Variants in MGAT4C observed in about 807,000 individuals in gnomAD.
MGAT4C encodes alpha-1,3-mannosyl-glycoprotein 4-beta-N-acetylglucosaminyltransferase C.
MGAT4C carries 19 observed loss-of-function variants against 40.1 expected under a neutral mutation model. The observed-to-expected ratio is 0.47, with a 90% confidence interval of 0.33 to 0.70. MGAT4C has a LOEUF of 0.70. Among genes scored for constraint, MGAT4C ranks in the 30% least tolerant of loss-of-function variants. The probability of loss-of-function intolerance (pLI) is 0.02; values close to 1 mark genes in which losing one functional copy is unlikely to be tolerated. For missense variants in MGAT4C, 491 were observed against 563.2 expected, an observed-to-expected ratio of 0.87 and a Z score of 1.30; for synonymous variants, 181 against 187.1, an observed-to-expected ratio of 0.97 and a Z score of 0.27.
intron 2 of MGAT4C, among the ~76,000 whole-genome samples, chr12:86,622,669 G>T (rs971733328): frequency 1.3e-5 from 2 of 151,780 alleles, no homozygotes; most frequent in African/African-American, 4.8e-5. Flanking sequence ...CAATATTCTG[G>T]GACAAAGCTC....
At chr12:86,013,097 T>G (rs1888674275) in intron 2 of MGAT4C, among the ~76,000 whole-genome samples, 1 of 151,570 alleles carries the variant, frequency 6.6e-6, no homozygotes, top group Non-Finnish European at 1.5e-5. Context: ...ATCACACTAC[T>G]GCACAGCCTG....
chr12:86,139,103 T>C (rs1476839220), intron 1 of MGAT4C, among the ~76,000 whole-genome samples: 2 of 152,216 alleles, frequency 1.3e-5, no homozygotes, highest in East Asian at 3.8e-4. Flanking sequence ...TGAATTTTTC[T>C]GATAATTTTC....
intron 2 of MGAT4C, among the ~76,000 whole-genome samples, chr12:86,489,795 A>AT (rs1316753973): frequency 6.6e-6 from 1 of 152,210 alleles, no homozygotes; most frequent in East Asian, 1.9e-4. Flanking sequence ...TCAGGAGCCG[A>AT]TGCGATCAAC....
Position 86,290,326 on chromosome 12 carries a change from C to T in MGAT4C, c.-57+43739G>A, listed in dbSNP as rs535412760. ...TGCTGGGATTACAGGTATGAGCCAC[C>T]GCACCCGGCCTCTAACTCACTTTTT... On this transcript the variant is annotated intron_variant, in intron 4 of 7. Coordinates refer to the MGAT4C transcript ENST00000548651. Among the ~76,000 whole-genome samples, 24 of 152,228 alleles carry T rather than the reference C, an allele frequency of 1.6e-4. 1 individual carries two copies. Among genetic ancestry groups the T allele is most frequent in the South Asian group, 1.5e-3 (7 of 4,816 alleles).
At chr12:86,080,487 G>A (rs556167998) in intron 1 of MGAT4C, among the ~76,000 whole-genome samples, 3 of 152,226 alleles carry the variant, frequency 2.0e-5, no homozygotes, top group African/African-American at 4.8e-5. Flanking sequence ...CTGAAAATAT[G>A]TGAAGTGCTA....
chr12:86,439,005 G>A (rs894981380), intron 2 of MGAT4C, among the ~76,000 whole-genome samples: 4 of 151,664 alleles, frequency 2.6e-5, no homozygotes, highest in South Asian at 4.2e-4. Flanking sequence ...ATGAAAAGAG[G>A]CAAACACCAA....
At chr12:86,164,534 CTAAA>C (rs1408687327) in intron 1 of MGAT4C, among the ~76,000 whole-genome samples, 1 of 152,148 alleles carries the variant, frequency 6.6e-6, no homozygotes, top group Non-Finnish European at 1.5e-5. Flanking sequence ...CAACTAGTCA[CTAAA>C]TAGTCAAACT....
In MGAT4C at chr12:85,995,522, C is replaced by T. The variant is rs548050456; in HGVS notation, c.-6-5970G>A. On this transcript the variant is annotated intron_variant, in intron 2 of 4. Coordinates refer to ENST00000611864, the MANE Select transcript of MGAT4C (RefSeq NM_001351288.2). Reference sequence around the variant, plus strand: ...TGTGTGTCCATAAGCCAAGTTTGTGCGTCCATCAGCCAGCAAACTTGGACT... The same window carrying T: ...TGTGTGTCCATAAGCCAAGTTTGTGTGTCCATCAGCCAGCAAACTTGGACT... Among the ~76,000 whole-genome samples the T allele has an allele frequency of 7.2e-5, 11 of 152,188 alleles. No homozygotes were observed. In the East Asian group the frequency reaches 9.7e-4, roughly 13 times the overall value.
intron 1 of MGAT4C, among the ~76,000 whole-genome samples, chr12:86,149,827 T>C (rs1038507334): frequency 6.6e-6 from 1 of 152,192 alleles, no homozygotes; most frequent in African/African-American, 2.4e-5. Context: ...TGGTTCTCAA[T>C]AAAGAGAAAA....
intron 1 of MGAT4C, among the ~76,000 whole-genome samples, chr12:86,103,396 G>T (rs1875487308): frequency 2.0e-5 from 3 of 152,062 alleles, no homozygotes; most frequent in Non-Finnish European, 4.4e-5. Flanking sequence ...ACACAGAATA[G>T]AACACACACA....
intron 2 of MGAT4C, among the ~76,000 whole-genome samples, chr12:86,719,333 T>C (rs1033890049): frequency 6.6e-6 from 1 of 152,160 alleles, no homozygotes; most frequent in Non-Finnish European, 1.5e-5. Context: ...CTGTGGTTGT[T>C]TCAGTACAGC....
chr12:86,490,785 T>G (rs1259461608), intron 2 of MGAT4C, among the ~76,000 whole-genome samples: 2 of 151,978 alleles, frequency 1.3e-5, no homozygotes, highest in African/African-American at 4.8e-5. Flanking sequence ...AAAACAGACT[T>G]TAAACCAACA....
chr12:86,661,836 G>A (rs979703636), intron 2 of MGAT4C, among the ~76,000 whole-genome samples: 1 of 152,130 alleles, frequency 6.6e-6, no homozygotes, highest in Non-Finnish European at 1.5e-5. Context: ...CTACTCAGGA[G>A]GCTGAGGCAT....
At chr12:86,103,741 C>G (rs1875570820) in intron 1 of MGAT4C, among the ~76,000 whole-genome samples, 1 of 152,126 alleles carries the variant, frequency 6.6e-6, no homozygotes, top group Admixed American at 6.6e-5. Flanking sequence ...CTGACCCAAG[C>G]TATACCAATA....
At position 86,629,315 on chromosome 12, in the gene MGAT4C, C is replaced by T. The variant is rs140224965; in HGVS notation, c.-229+97894G>A. Among the ~76,000 whole-genome samples the T allele has an allele frequency of 3.0e-3, 462 of 152,226 alleles. 2 individuals carry two copies. The highest frequency in any genetic ancestry group is 0.011 in the African/African-American group (440 of 41,538). On this transcript the variant is annotated intron_variant, in intron 2 of 7. Coordinates refer to the MGAT4C transcript ENST00000548651. ...ACAAAATAGTATAGGGAGAATTTAA[C>T]ACCCCACTGTAAATATCAGACAGAT... is the stretch of plus-strand genomic sequence containing the variant.
chr12:86,799,589 A>G (rs1325694508), intron 1 of MGAT4C, among the ~76,000 whole-genome samples: 1 of 151,906 alleles, frequency 6.6e-6, no homozygotes, highest in East Asian at 1.9e-4. Context: ...CAGAAGAGAG[A>G]ACAATACTAG....
intron 2 of MGAT4C, among the ~76,000 whole-genome samples, chr12:86,619,854 C>T (rs1962581387): frequency 6.6e-6 from 1 of 152,070 alleles, no homozygotes; most frequent in Admixed American, 6.6e-5. Flanking sequence ...CTGGTTTTTC[C>T]ACTAGCTTGC....
chr12:86,763,030 G>A (rs1352587891), intron 1 of MGAT4C, among the ~76,000 whole-genome samples: 2 of 152,140 alleles, frequency 1.3e-5, no homozygotes, highest in African/African-American at 4.8e-5. Context: ...GATATTTTGA[G>A]AAGGAACAAA....
chr12:86,584,674 A>C (rs1040417320), intron 2 of MGAT4C, among the ~76,000 whole-genome samples: 1 of 151,354 alleles, frequency 6.6e-6, no homozygotes, highest in African/African-American at 2.4e-5. Context: ...CAATGCGTAT[A>C]TATACTTTAA....
Sources: gnomAD v4.1 joint callset for allele counts (sites outside exome capture counted in the v4.1 genomes callset) on GRCh38, gnomAD v4.1.1 for gene constraint, MANE v1.5 for transcripts, NCBI Gene and HGNC (gene_info 2026-07-23, HGNC 2026-07-21) for gene names.